Variants in MCC observed in about 807,000 individuals in gnomAD.
MCC encodes the protein colorectal mutant cancer protein.
In MCC, 90 loss-of-function variants were observed where a neutral mutation model predicts 116.2. The observed-to-expected ratio is 0.77, with a 90% CI of 0.65 to 0.92. The LOEUF (loss-of-function observed/expected upper bound fraction) is 0.92. Ranked by LOEUF, MCC falls within the 40% of genes least tolerant of loss-of-function variation. The pLI is 0.00. For synonymous variants in MCC, 578 were observed against 510.5 expected (o/e 1.13, Z -1.78); for missense variants, 1,516 against 1,312.2 (o/e 1.16, Z -2.40).
intron 3 of MCC, among the ~76,000 whole-genome samples, chr5:113,339,408 AGTGTGT>A (rs60886614): frequency 0.048 from 5,900 of 123,640 alleles, 387 homozygotes; most frequent in African/African-American, 0.18. Context: ...AGGCTTCCTT[AGTGTGT>A]GTGTGTGTGT....
rs569016377 is a variant in MCC, at chr5:113,382,628, C to T, written c.415+2340G>A. Among the ~76,000 whole-genome samples the T allele has an allele frequency of 1.1e-4, 16 of 152,190 alleles. 1 individual carries two copies. The South Asian group carries it at 3.3e-3, about 32-fold the overall frequency. ...GGAGTTGTTTTCCCAATCCCCAGGA[C>T]TTAAAACCGGGTGGTAATAATAATA... On this transcript the variant is annotated intron_variant, in intron 2 of 18. Coordinates refer to ENST00000408903, the MANE Select transcript of MCC (RefSeq NM_001085377.2).
intron 3 of MCC, among the ~76,000 whole-genome samples, chr5:113,209,408 C>T (rs1218116406): frequency 6.6e-6 from 1 of 152,142 alleles, no homozygotes; most frequent in African/African-American, 2.4e-5. Context: ...CAGACGGTGC[C>T]GATGGCAATT....
chr5:113,029,123 G>T, intron 17 of MCC, 67 bp from the exon 18 acceptor site: 1 of 1,489,412 alleles, frequency 6.7e-7, no homozygotes, highest in Non-Finnish European at 9.0e-7. Context: ...CCACTCCCTG[G>T]GAAGTGGTGA....
chr5:113,459,983 C>T (rs1247785648), intron 1 of MCC, among the ~76,000 whole-genome samples: 1 of 152,142 alleles, frequency 6.6e-6, no homozygotes, highest in South Asian at 2.1e-4. Flanking sequence ...AAACTTGCTT[C>T]ATCCACATGA....
At chr5:113,290,487 A>T (rs535373462) in intron 3 of MCC, among the ~76,000 whole-genome samples, 4 of 152,348 alleles carry the variant, frequency 2.6e-5, no homozygotes, top group African/African-American at 9.6e-5. Context: ...ATTTTTGTAC[A>T]TAAATAGGCA....
At chr5:113,106,944 C>G (rs531842085) in intron 6 of MCC, among the ~76,000 whole-genome samples, 81 of 152,328 alleles carry the variant, frequency 5.3e-4, no homozygotes, top group African/African-American at 1.8e-3. Flanking sequence ...CACCTCCTCC[C>G]TTACCCATTC....
intron 1 of MCC, among the ~76,000 whole-genome samples, chr5:113,472,573 T>A (rs963570246): frequency 1.3e-5 from 2 of 152,230 alleles, no homozygotes; most frequent in African/African-American, 4.8e-5. Flanking sequence ...TTAATATTCT[T>A]AAATTTGTTC....
At chr5:113,157,451 C>T (rs930638551) in intron 3 of MCC, among the ~76,000 whole-genome samples, 5 of 152,214 alleles carry the variant, frequency 3.3e-5, no homozygotes, top group Non-Finnish European at 5.9e-5. Flanking sequence ...CCAAAGGCAC[C>T]TGCAGCCACA....
At chr5:113,223,603 T>C (rs537365680) in intron 3 of MCC, among the ~76,000 whole-genome samples, 1 of 152,250 alleles carries the variant, frequency 6.6e-6, no homozygotes, top group Non-Finnish European at 1.5e-5. Flanking sequence ...GAGAGGCTAC[T>C]TGAGAATTTT....
chr5:113,462,745 T>G (rs377747245), intron 1 of MCC, among the ~76,000 whole-genome samples: 141 of 152,308 alleles, frequency 9.3e-4, no homozygotes, highest in African/African-American at 3.2e-3. Context: ...ACATTTTGGG[T>G]TAATTCTAAG....
chr5:113,372,956 T>A (rs1581434919), intron 2 of MCC, among the ~76,000 whole-genome samples: 1 of 151,674 alleles, frequency 6.6e-6, no homozygotes, highest in Non-Finnish European at 1.5e-5. Flanking sequence ...AGGCGGGCGG[T>A]TCACGTGGTC....
chr5:113,388,583 C>A (rs895956943), intron 1 of MCC, among the ~76,000 whole-genome samples: 13 of 152,168 alleles, frequency 8.5e-5, no homozygotes, highest in African/African-American at 7.2e-5. Context: ...CCTCCTCCCC[C>A]ACCTTGCTCC....
In MCC at chr5:113,027,257, T is replaced by A. The variant is rs757536491; in HGVS notation, c.*45A>T. ...GGCCCTTCTGTCCCCAGTGGCCTGC[T>A]GCAGTTTACTTCCCATGGGCAGAAC... On this transcript the variant is annotated 3_prime_UTR_variant, in exon 19 of 19. Transcript: ENST00000408903. 14 of 1,599,118 alleles carry A rather than the reference T, an allele frequency of 8.8e-6. No homozygotes were observed. The highest frequency in any genetic ancestry group is 8.5e-7 in the Non-Finnish European group (1 of 1,170,552).
intron 3 of MCC, among the ~76,000 whole-genome samples, chr5:113,295,766 T>TA (rs1255322383): frequency 6.6e-6 from 1 of 152,128 alleles, no homozygotes; most frequent in Non-Finnish European, 1.5e-5. Context: ...TCCACAAACT[T>TA]AAAGTTCCAA....
At chr5:113,347,308 CAGAGAG>C (rs940927348) in intron 2 of MCC, among the ~76,000 whole-genome samples, 1 of 151,728 alleles carries the variant, frequency 6.6e-6, no homozygotes, top group Non-Finnish European at 1.5e-5. Context: ...TAAAATGAGA[CAGAGAG>C]AAAGAACAAA....
At chr5:113,262,109 C>G (rs1320411251) in intron 3 of MCC, among the ~76,000 whole-genome samples, 1 of 151,558 alleles carries the variant, frequency 6.6e-6, no homozygotes, top group East Asian at 1.9e-4. Flanking sequence ...TTTTTAAGTA[C>G]GAGGTCCATG....
chr5:113,196,014 C>T (rs1283671947), intron 3 of MCC, among the ~76,000 whole-genome samples: 1 of 152,196 alleles, frequency 6.6e-6, no homozygotes. Flanking sequence ...TGCCAAATGA[C>T]CTCATGCATG....
chr5:113,159,288 G>T (rs1338159306), intron 3 of MCC, among the ~76,000 whole-genome samples: 1 of 152,068 alleles, frequency 6.6e-6, no homozygotes, highest in East Asian at 1.9e-4. Context: ...TACTTTATTT[G>T]TCCACTGGTC....
At chr5:113,230,730 G>C (rs1260187654) in intron 3 of MCC, among the ~76,000 whole-genome samples, 1 of 152,150 alleles carries the variant, frequency 6.6e-6, no homozygotes, top group Non-Finnish European at 1.5e-5. Flanking sequence ...GTGCAATGAG[G>C]AAAGAATCCC....
Sources: gnomAD v4.1 joint callset for allele counts (sites outside exome capture counted in the v4.1 genomes callset) on GRCh38, gnomAD v4.1.1 for gene constraint, MANE v1.5 for transcripts, NCBI Gene and HGNC (gene_info 2026-07-23, HGNC 2026-07-21) for gene names.